WDR37: variants seen among roughly 807,000 people sequenced by gnomAD.
WDR37 encodes WD repeat-containing protein 37.
Under a neutral mutation model 62.9 loss-of-function variants are expected in WDR37, and 19 were observed. The ratio of observed to expected loss-of-function variants is 0.30; its 90% CI spans 0.21 to 0.44. The LOEUF (loss-of-function observed/expected upper bound fraction) is 0.44. WDR37 is among the 20% of genes least tolerant of loss of function. WDR37 has a pLI of 1.00. For missense variants in WDR37, 474 were observed against 657.6 expected (o/e 0.72, Z 3.05); for synonymous variants, 250 against 260.9 (o/e 0.96, Z 0.40).
Position 1,105,841 on chromosome 10 carries a change from A to G in WDR37, c.1103+574A>G, listed in dbSNP as rs983103417. Among the ~76,000 whole-genome samples, 1 of 151,964 alleles carries G rather than the reference A, an allele frequency of 6.6e-6. No homozygotes were observed. Among genetic ancestry groups the G allele is most frequent in the African/African-American group, 2.4e-5 (1 of 41,356 alleles). On this transcript the variant is annotated intron_variant, in intron 11 of 13. Transcript: ENST00000263150. The surrounding 1 kb of genome is among the most constrained non-coding windows in gnomAD (Gnocchi z 5.3). ...CGCTCTGTCGCCCAGGCTGGAGTGC[A>G]GTGGCGCTATCTCGGCTCACTGCAA...
intron 9 of WDR37, among the ~76,000 whole-genome samples, chr10:1,098,328 T>G (rs919060771): frequency 1.0e-4 from 15 of 145,406 alleles, no homozygotes; most frequent in East Asian, 4.0e-4. Context: ...ATCTGTCCGT[T>G]TTTTTTTTTT....
intron 2 of WDR37, 46 bp from the exon 3 acceptor site, chr10:1,077,861 A>G: frequency 7.1e-7 from 1 of 1,404,126 alleles, no homozygotes; most frequent in East Asian, 2.3e-5. Flanking sequence ...TTGTACTTAG[A>G]GTTTTTCATT....
At chr10:1,122,994 A>G (rs1039694164) in intron 11 of WDR37, among the ~76,000 whole-genome samples, 1 of 152,220 alleles carries the variant, frequency 6.6e-6, no homozygotes, top group Non-Finnish European at 1.5e-5. Context: ...AGTTTATGAA[A>G]GAGTTTAACA....
chr10:1,072,925 A>G (rs1422782718), intron 2 of WDR37, among the ~76,000 whole-genome samples: 1 of 152,366 alleles, frequency 6.6e-6, no homozygotes, highest in African/African-American at 2.4e-5. Flanking sequence ...CAAGAAAAGA[A>G]GAGTATCATA....
intron 7 of WDR37, among the ~76,000 whole-genome samples, chr10:1,086,959 C>T (rs955641760): frequency 1.3e-5 from 2 of 152,224 alleles, no homozygotes; most frequent in South Asian, 2.1e-4. Flanking sequence ...CTTGCTCACT[C>T]GCCCTCCCTC....
chr10:1,117,314 A>G (rs1835432495), intron 11 of WDR37, among the ~76,000 whole-genome samples: 1 of 152,284 alleles, frequency 6.6e-6, no homozygotes, highest in East Asian at 1.9e-4. Flanking sequence ...CTCAGCCTCC[A>G]AAGTGCTGGG....
intron 5 of WDR37, among the ~76,000 whole-genome samples, chr10:1,084,183 G>T (rs544462554): frequency 1.3e-5 from 2 of 152,136 alleles, no homozygotes; most frequent in African/African-American, 4.8e-5. Context: ...TGCACAGGTC[G>T]CCGCGAGAGC....
intron 8 of WDR37, among the ~76,000 whole-genome samples, chr10:1,095,308 T>G (rs1273314177): frequency 6.8e-5 from 9 of 131,608 alleles, no homozygotes; most frequent in East Asian, 2.2e-4. Flanking sequence ...GAGGAGAGAG[T>G]TAGACTGGGA....
intron 5 of WDR37, among the ~76,000 whole-genome samples, chr10:1,081,235 C>T (rs1482619503): frequency 1.3e-5 from 2 of 152,138 alleles, no homozygotes; most frequent in African/African-American, 2.4e-5. Flanking sequence ...TAAAGTATCT[C>T]GTGCTGACCT....
chr10:1,105,039 G>C lies in WDR37; in HGVS notation c.962-87G>C. On this transcript the variant is annotated intron_variant, in intron 10 of 13. Transcript: ENST00000263150. This position sits in a 1 kb window ranked among gnomAD's most constrained non-coding sequence, Gnocchi z 5.3. Reference sequence around the variant, plus strand: ...TCAGGTTCACAGTCTCAGAGAGACGGCTTCTTGGGTTCTTGTGCTGTTGAA... The same window carrying C: ...TCAGGTTCACAGTCTCAGAGAGACGCCTTCTTGGGTTCTTGTGCTGTTGAA... 1 of 1,521,100 alleles carries C rather than the reference G, an allele frequency of 6.6e-7. No homozygotes were observed. The highest frequency in any genetic ancestry group is 1.2e-5 in the South Asian group (1 of 81,046). 94.2% of individuals were successfully genotyped at this position (1,521,100 alleles called of 1,614,324 possible).
intron 1 of WDR37, among the ~76,000 whole-genome samples, chr10:1,063,141 A>G (rs1269221301): frequency 2.0e-5 from 3 of 152,056 alleles, no homozygotes; most frequent in East Asian, 3.9e-4. Context: ...TCCTTCGTAC[A>G]TTGGGACCAC....
At chr10:1,088,477 G>A (rs763058805) in intron 7 of WDR37, among the ~76,000 whole-genome samples, 6 of 152,168 alleles carry the variant, frequency 3.9e-5, no homozygotes, top group Admixed American at 6.5e-5. Context: ...TTGTCTCGGA[G>A]TAGAGAGGCC....
At chr10:1,062,241 C>G (rs1002763400) in intron 1 of WDR37, among the ~76,000 whole-genome samples, 3 of 152,098 alleles carry the variant, frequency 2.0e-5, no homozygotes, top group African/African-American at 7.2e-5. Flanking sequence ...AGATTGCCGG[C>G]GGTATTGACT....
At chr10:1,110,270 G>C (rs550972884) in intron 11 of WDR37, among the ~76,000 whole-genome samples, 2 of 152,302 alleles carry the variant, frequency 1.3e-5, no homozygotes, top group South Asian at 4.2e-4. Context: ...AGCAGGTGGA[G>C]CCGTGGACGC....
intron 2 of WDR37, chr10:1,074,482 T>A (rs1833808843): frequency 7.7e-7 from 1 of 1,304,378 alleles, no homozygotes; most frequent in African/African-American, 1.5e-5. Context: ...GAGCAGTGAT[T>A]CGGAGTGGGA....
chr10:1,093,443 A>G lies in WDR37; in HGVS notation c.605-9A>G, dbSNP rs1395317907. 2.5e-6 allele frequency: 4 copies of G among 1,604,188 alleles called. No homozygotes were observed. Among genetic ancestry groups the G allele is most frequent in the Admixed American group, 1.7e-5 (1 of 58,746 alleles). On this transcript the variant is annotated splice_polypyrimidine_tract_variant and intron_variant, in intron 7 of 13. Transcript: ENST00000263150. Reference sequence around the variant, plus strand: ...TTAAACCTGTTTTTATCATATTTTTATTTTGCAGTAAATTCTATCAAATTT... The same window carrying G: ...TTAAACCTGTTTTTATCATATTTTTGTTTTGCAGTAAATTCTATCAAATTT...
At chr10:1,071,579 G>A (rs1385535349) in intron 1 of WDR37, among the ~76,000 whole-genome samples, 1 of 152,120 alleles carries the variant, frequency 6.6e-6, no homozygotes, top group East Asian at 1.9e-4. Context: ...AAATATACAC[G>A]CTGAATTTCA....
chr10:1,060,114 C>G (rs977556999), intron 1 of WDR37, among the ~76,000 whole-genome samples: 1 of 152,216 alleles, frequency 6.6e-6, no homozygotes, highest in Non-Finnish European at 1.5e-5. Flanking sequence ...GCTGGGATTA[C>G]GGGCATGAGC....
chr10:1,106,183 C>CGGG (rs1388217998), intron 11 of WDR37, among the ~76,000 whole-genome samples: 2 of 152,140 alleles, frequency 1.3e-5, no homozygotes, highest in Non-Finnish European at 2.9e-5. Flanking sequence ...TGCCCAGTCA[C>CGGG]GGGGGCTGTC....
Sources: gnomAD v4.1 joint callset for allele counts (sites outside exome capture counted in the v4.1 genomes callset) on GRCh38, gnomAD v4.1.1 for gene constraint, Gnocchi (gnomAD v3.1) non-coding constraint, MANE v1.5 for transcripts, NCBI Gene and HGNC (gene_info 2026-07-23, HGNC 2026-07-21) for gene names.